Variants in PIK3CB observed in about 807,000 individuals in gnomAD.
The protein encoded by PIK3CB is phosphatidylinositol 4,5-bisphosphate 3-kinase catalytic subunit beta isoform.
In PIK3CB, 39 loss-of-function variants were observed where a neutral mutation model predicts 136.8. The ratio of observed to expected loss-of-function variants is 0.29; its 90% CI spans 0.22 to 0.37. The LOEUF is 0.37. Among genes scored for constraint, PIK3CB ranks in the 10% least tolerant of loss-of-function variants. The probability of loss-of-function intolerance (pLI) is 1.00; values close to 1 mark genes in which losing one functional copy is unlikely to be tolerated. For missense variants in PIK3CB, 868 were observed against 1,275.4 expected (o/e 0.68, Z 4.87); for synonymous variants, 428 against 436.6 (o/e 0.98, Z 0.25).
intron 8 of PIK3CB, among the ~76,000 whole-genome samples, chr3:138,720,855 A>G (rs2044710745): frequency 6.6e-6 from 1 of 152,128 alleles, no homozygotes; most frequent in Non-Finnish European, 1.5e-5. Context: ...GTGACAGAGC[A>G]AGACCCTGCC....
intron 10 of PIK3CB, among the ~76,000 whole-genome samples, chr3:138,711,579 CAAAAAAAAA>C (rs139989947): frequency 1.5e-5 from 1 of 67,546 alleles, no homozygotes; most frequent in African/African-American, 6.2e-5. Flanking sequence ...AACTCCGTCG[CAAAAAAAAA>C]AAAAAAAAAA....
At position 138,763,121 on chromosome 3, in the gene PIK3CB, A is replaced by AGTAT. The variant is rs111529463; in HGVS notation, c.-16-3766_-16-3763dup. 5.4e-3 allele frequency among the ~76,000 whole-genome samples: 810 copies of AGTAT among 149,642 alleles called. 8 individuals are homozygous for AGTAT. Among genetic ancestry groups the AGTAT allele is most frequent in the African/African-American group, 0.012 (502 of 40,860 alleles). Reference sequence around the variant, plus strand: ...AAAAGCTGGAGGAAAAATGAAAGTTAGTATGTATGTATGTATGTATGTATG... The same window carrying AGTAT: ...AAAAGCTGGAGGAAAAATGAAAGTTAGTATGTATGTATGTATGTATGTATGTATG... On this transcript the variant is annotated intron_variant, in intron 2 of 23. Transcript: ENST00000674063.
intron 1 of PIK3CB, among the ~76,000 whole-genome samples, chr3:138,826,899 G>A (rs1355723016): frequency 1.3e-5 from 2 of 151,930 alleles, no homozygotes; most frequent in South Asian, 4.1e-4. Context: ...TAAAAACCCC[G>A]TCTCTACTAA....
chr3:138,828,516 G>A (rs1933888078), intron 1 of PIK3CB, among the ~76,000 whole-genome samples: 1 of 151,948 alleles, frequency 6.6e-6, no homozygotes, highest in Non-Finnish European at 1.5e-5. Flanking sequence ...CATTGTTCTG[G>A]TTCCTGAAAA....
intron 2 of PIK3CB, among the ~76,000 whole-genome samples, chr3:138,784,881 G>A (rs1332642075): frequency 2.0e-5 from 3 of 149,820 alleles, no homozygotes; most frequent in Admixed American, 2.0e-4. Flanking sequence ...CGTCTCCCTG[G>A]CCACCCATGG....
intron 8 of PIK3CB, among the ~76,000 whole-genome samples, chr3:138,730,765 T>C (rs543827009): frequency 6.6e-6 from 1 of 151,892 alleles, no homozygotes; most frequent in Admixed American, 6.6e-5. Context: ...TCTATAAAAA[T>C]AGAAATAAAA....
chr3:138,763,927 A>G lies in PIK3CB; in HGVS notation c.-16-4568T>C, dbSNP rs150683628. 1.2e-4 allele frequency among the ~76,000 whole-genome samples: 19 copies of G among 152,108 alleles called. No individual in the cohort carries two copies. In the East Asian group the frequency reaches 3.7e-3, roughly 30 times the overall value. On this transcript the variant is annotated intron_variant, in intron 2 of 23. Coordinates refer to ENST00000674063, the MANE Select transcript of PIK3CB (RefSeq NM_006219.3). ...GAAGTTCAAGACCAGCCTGACCAACATGGTGAAAACCCGTCTCTGTTAAAA... is the reference window on the plus strand; with the variant it reads ...GAAGTTCAAGACCAGCCTGACCAACGTGGTGAAAACCCGTCTCTGTTAAAA...
chr3:138,734,951 AATTTTT>A, intron 6 of PIK3CB, 147 bp from the exon 7 acceptor site: 4 of 296,706 alleles, frequency 1.3e-5, no homozygotes, highest in Non-Finnish European at 1.7e-5. Flanking sequence ...AAAAAAAAAA[AATTTTT>A]TTTTTTTTTT....
chr3:138,722,223 C>CTA (rs2044742697), intron 8 of PIK3CB, among the ~76,000 whole-genome samples: 1 of 19,410 alleles, frequency 5.2e-5, no homozygotes, highest in Non-Finnish European at 9.8e-5. Flanking sequence ...ATGTAAGAGA[C>CTA]ACACACACAC....
At chr3:138,688,825 A>ATT (rs1255289694) in intron 16 of PIK3CB, 50 bp downstream of exon 16, 1 of 1,106,368 alleles carries the variant, frequency 9.0e-7, no homozygotes, top group East Asian at 2.4e-5. Flanking sequence ...CATGCTTTAA[A>ATT]CGTTGTCTGT....
intron 1 of PIK3CB, among the ~76,000 whole-genome samples, chr3:138,807,042 C>G (rs1458926379): frequency 6.6e-6 from 1 of 152,210 alleles, no homozygotes; most frequent in Admixed American, 6.5e-5. Flanking sequence ...CCACTTATTA[C>G]AGAAAATATG....
chr3:138,707,078 CAGAT>C (rs1576342310), intron 11 of PIK3CB, 77 bp downstream of exon 11: 8 of 896,468 alleles, frequency 8.9e-6, no homozygotes, highest in South Asian at 4.2e-5. Context: ...TTGAAAGAGA[CAGAT>C]AGAGCTTAAA....
chr3:138,809,606 CAAAAA>C (rs57717750), intron 1 of PIK3CB, among the ~76,000 whole-genome samples: 7,532 of 113,626 alleles, frequency 0.066, 266 homozygotes, highest in Middle Eastern at 0.1. Flanking sequence ...GACTTTGCCT[CAAAAA>C]AAAAAAAAAA....
At chr3:138,705,190 C>CAAAAAAAAAAA (rs1281520471) in intron 11 of PIK3CB, among the ~76,000 whole-genome samples, 4 of 53,250 alleles carry the variant, frequency 7.5e-5, no homozygotes, top group East Asian at 1.2e-3. Flanking sequence ...ACAAAACAAA[C>CAAAAAAAAAAA]AAAAAAAAAA....
At chr3:138,794,178 G>A (rs534706774) in intron 2 of PIK3CB, among the ~76,000 whole-genome samples, 2 of 152,220 alleles carry the variant, frequency 1.3e-5, no homozygotes, top group Admixed American at 1.3e-4. Flanking sequence ...TGGCCAGCTG[G>A]TCTCCAACTC....
chr3:138,734,616 T>C lies in PIK3CB; in HGVS notation c.972+18A>G, dbSNP rs2108643953. The C allele has an allele frequency of 6.3e-7, 1 of 1,580,028 alleles. No homozygotes were observed. Among genetic ancestry groups the C allele is most frequent in the South Asian group, 1.1e-5 (1 of 88,294 alleles). On this transcript the variant is annotated intron_variant, in intron 7 of 23. Coordinates refer to ENST00000674063, the MANE Select transcript of PIK3CB (RefSeq NM_006219.3). ...ACATGGCTTTTGGGGTTACTAAAGG[T>C]TCAGAAATAAAACTTACAGAAATAA...
At chr3:138,665,284 TA>T in intron 19 of PIK3CB, 81 bp from the exon 20 acceptor site, 2 of 1,105,206 alleles carry the variant, frequency 1.8e-6, no homozygotes, top group Non-Finnish European at 1.2e-6. Context: ...CTTTACTTTT[TA>T]AAAAAAGTTT....
intron 1 of PIK3CB, among the ~76,000 whole-genome samples, chr3:138,823,787 G>C (rs1283393384): frequency 6.6e-6 from 1 of 152,086 alleles, no homozygotes; most frequent in Non-Finnish European, 1.5e-5. Flanking sequence ...ACTTCAAATC[G>C]GGTTATAATT....
At chr3:138,693,335 T>A (rs1416750879) in intron 14 of PIK3CB, among the ~76,000 whole-genome samples, 2 of 151,718 alleles carry the variant, frequency 1.3e-5, no homozygotes, top group Non-Finnish European at 2.9e-5. Context: ...GGCTCATCGA[T>A]CTGCCTGCGT....
Sources: allele counts gnomAD v4.1 joint callset (sites outside exome capture counted in the v4.1 genomes callset), GRCh38; gene constraint gnomAD v4.1.1; transcripts MANE v1.5; gene names NCBI Gene and HGNC (gene_info 2026-07-23, HGNC 2026-07-21).